Variants in TACC2 observed in about 807,000 individuals in gnomAD.
TACC2 encodes transforming acidic coiled-coil-containing protein 2.
Under a neutral mutation model 227.3 loss-of-function variants are expected in TACC2, and 137 were observed. The observed-to-expected ratio is 0.60, with a 90% CI of 0.52 to 0.69. TACC2 has a LOEUF of 0.69. TACC2 is among the 30% of genes least tolerant of loss of function. The pLI, the probability that TACC2 is intolerant of heterozygous loss-of-function variation, is 0.00. For synonymous variants in TACC2, 1,523 were observed against 1,487.5 expected (o/e 1.02, Z -0.55); for missense variants, 3,470 against 3,694.4 (o/e 0.94, Z 1.57).
rs1469634625 is a variant in TACC2 at position 122,150,137 on chromosome 10, G to C, written c.5834+6431G>C. Among the ~76,000 whole-genome samples the C allele has an allele frequency of 6.6e-6, 1 of 152,220 alleles. No homozygotes were observed. Among genetic ancestry groups the C allele is most frequent in the Non-Finnish European group, 1.5e-5 (1 of 68,040 alleles). ...TCCTTCTGGGAGGGGAGGGGAAGGAGAGCCGGCAGCAGCGGGGCTCCCTGG... is the reference window on the plus strand; with the variant it reads ...TCCTTCTGGGAGGGGAGGGGAAGGACAGCCGGCAGCAGCGGGGCTCCCTGG... On this transcript the variant is annotated intron_variant, in intron 7 of 22. Transcript: ENST00000369005. This position sits in a 1 kb window ranked among gnomAD's most constrained non-coding sequence, Gnocchi z 4.0.
At chr10:122,169,831 G>A (rs2093379001) in intron 7 of TACC2, among the ~76,000 whole-genome samples, 1 of 152,108 alleles carries the variant, frequency 6.6e-6, no homozygotes, top group Non-Finnish European at 1.5e-5. Flanking sequence ...GCTCACTGCA[G>A]CCTTCATCTC....
chr10:122,172,531 G>A (rs991811160), intron 7 of TACC2, among the ~76,000 whole-genome samples: 1 of 152,220 alleles, frequency 6.6e-6, no homozygotes, highest in Non-Finnish European at 1.5e-5. Flanking sequence ...TGCGTTAAAG[G>A]GAGGCGCCTA....
At chr10:122,195,602 T>C (rs1413359581) in intron 8 of TACC2, among the ~76,000 whole-genome samples, 1 of 152,182 alleles carries the variant, frequency 6.6e-6, no homozygotes, top group Admixed American at 6.5e-5. Flanking sequence ...CAGCAGATCA[T>C]GGTGGTTTGT....
intron 8 of TACC2, among the ~76,000 whole-genome samples, chr10:122,195,819 A>G (rs2094549083): frequency 6.6e-6 from 1 of 152,198 alleles, no homozygotes; most frequent in Non-Finnish European, 1.5e-5. Context: ...CTCACATGGA[A>G]GATTCACAGG....
At chr10:122,138,908 T>TG (rs1479372471) in intron 6 of TACC2, among the ~76,000 whole-genome samples, 1 of 152,244 alleles carries the variant, frequency 6.6e-6, no homozygotes, top group Non-Finnish European at 1.5e-5. Context: ...TAAATAATCT[T>TG]GGATATCCAA....
intron 18 of TACC2, among the ~76,000 whole-genome samples, chr10:122,241,090 G>C (rs1338111426): frequency 6.6e-6 from 1 of 152,174 alleles, no homozygotes; most frequent in South Asian, 2.1e-4. Context: ...GAAACAGACT[G>C]TGAGGGGTAG....
In TACC2 at chr10:122,210,159, G is replaced by A. The variant is rs1297744776; in HGVS notation, c.5972-238G>A. Reference sequence around the variant, plus strand: ...GAATACTCTGAGCTGTTCTTTAATCGGTCCTCATGATCCTCATTGTACAGA... The same window carrying A: ...GAATACTCTGAGCTGTTCTTTAATCAGTCCTCATGATCCTCATTGTACAGA... On this transcript the variant is annotated intron_variant, in intron 8 of 22. Coordinates refer to ENST00000369005, the MANE Select transcript of TACC2 (RefSeq NM_206862.4). This position sits in a 1 kb window ranked among gnomAD's most constrained non-coding sequence, Gnocchi z 4.6. 1 of 573,850 alleles carries A rather than the reference G, an allele frequency of 1.7e-6. No homozygotes were observed. Among genetic ancestry groups the A allele is most frequent in the Non-Finnish European group, 3.2e-6 (1 of 315,174 alleles). 35.5% of individuals were successfully genotyped at this position (573,850 alleles called of 1,614,324 possible). A position where few individuals can be genotyped will look rare whatever the true frequency, so the allele number is the denominator to read the frequency against.
intron 1 of TACC2, among the ~76,000 whole-genome samples, chr10:121,994,243 G>A (rs372349328): frequency 2.6e-5 from 4 of 152,204 alleles, no homozygotes; most frequent in Non-Finnish European, 5.9e-5. Flanking sequence ...GTGATGACCT[G>A]TCCCTATTTA....
chr10:122,151,561 T>C (rs2092041615), intron 7 of TACC2, among the ~76,000 whole-genome samples: 1 of 152,052 alleles, frequency 6.6e-6, no homozygotes, highest in African/African-American at 2.4e-5. Flanking sequence ...GCAGCCAGAC[T>C]GGGGAGTTTG....
At chr10:122,093,968 C>T (rs532947888) in intron 5 of TACC2, among the ~76,000 whole-genome samples, 2 of 152,182 alleles carry the variant, frequency 1.3e-5, no homozygotes, top group Non-Finnish European at 2.9e-5. Flanking sequence ...CGTCTGTCTC[C>T]AGCCCTTCCA....
intron 6 of TACC2, among the ~76,000 whole-genome samples, chr10:122,133,170 G>C (rs1441010714): frequency 1.3e-5 from 2 of 152,098 alleles, no homozygotes; most frequent in Non-Finnish European, 2.9e-5. Context: ...TTTGATGGTG[G>C]TCAGAGAAGA....
intron 3 of TACC2, among the ~76,000 whole-genome samples, chr10:122,075,897 T>G (rs191628481): frequency 1.3e-5 from 2 of 152,304 alleles, no homozygotes; most frequent in Non-Finnish European, 2.9e-5. Context: ...CCTCCTGGAT[T>G]CAAGCAATCC....
intron 9 of TACC2, among the ~76,000 whole-genome samples, chr10:122,214,029 G>C (rs1451546866): frequency 6.6e-6 from 1 of 152,172 alleles, no homozygotes; most frequent in East Asian, 1.9e-4. Context: ...TAGAAACAGA[G>C]CTGACCATTT....
rs542744033 is a variant in TACC2, at chr10:122,133,689, C to T, written c.5699+955C>T. Among the ~76,000 whole-genome samples, 5 of 152,296 alleles carry T rather than the reference C, an allele frequency of 3.3e-5. No individual in the cohort carries two copies. In the South Asian group the frequency reaches 1.0e-3, roughly 32 times the overall value. On this transcript the variant is annotated intron_variant, in intron 6 of 22. Transcript: ENST00000369005. ...GGAACTCATGGCCCAGTGACCCTTC[C>T]TCCCAGAAGCCTTCTCCCCACGCTG...
Position 122,084,628 on chromosome 10 carries a change from A to G in TACC2, c.2128A>G (p.Met710Val), listed in dbSNP as rs373061354. The G allele has an allele frequency of 1.1e-4, 184 of 1,613,712 alleles. 1 individual carries two copies. In the South Asian group the frequency reaches 1.7e-3, roughly 15 times the overall value. ...TLQSREGLGR[M>V]ESFLTLESEK... ...TCAGAGCAGGGAAGGATTGGGAAGAATGGAGTCTTTCCTGACTTTAGAATC... is the reference window on the plus strand; with the variant it reads ...TCAGAGCAGGGAAGGATTGGGAAGAGTGGAGTCTTTCCTGACTTTAGAATC... The change falls in exon 4 of 23, where the codon ATG becomes GTG. Residue 710 changes from methionine to valine, a missense_variant. Met to Val is a conservative substitution (Grantham distance 21). This residue lies in a region of TACC2 where 1,924 missense variants were observed against 1,978.3 expected (regional missense o/e 0.97). Coordinates refer to ENST00000369005, the MANE Select transcript of TACC2 (RefSeq NM_206862.4).
At chr10:122,091,407 T>TA (rs1453002141) in intron 5 of TACC2, among the ~76,000 whole-genome samples, 2 of 152,200 alleles carry the variant, frequency 1.3e-5, no homozygotes, top group Non-Finnish European at 2.9e-5. Context: ...TCCCTAAATT[T>TA]AAAAAATGAC....
At chr10:122,159,017 C>T (rs1023864668) in intron 7 of TACC2, among the ~76,000 whole-genome samples, 24 of 152,174 alleles carry the variant, frequency 1.6e-4, no homozygotes, top group African/African-American at 5.3e-4. Flanking sequence ...GGCAAGAAAG[C>T]GCCAAGGCAT....
intron 1 of TACC2, among the ~76,000 whole-genome samples, chr10:121,992,714 G>A (rs1308023094): frequency 6.6e-6 from 1 of 152,160 alleles, no homozygotes; most frequent in Admixed American, 6.5e-5. Context: ...TAGCATTTTA[G>A]GAGGCCAAGG....
chr10:122,073,126 A>AAAAAATAT (rs1383487943), intron 3 of TACC2, among the ~76,000 whole-genome samples: 58 of 70,956 alleles, frequency 8.2e-4, no homozygotes, highest in Middle Eastern at 9.6e-3. Context: ...AAAAAAAAAA[A>AAAAAATAT]ATATATATAT....
Sources: gnomAD v4.1 joint callset for allele counts (sites outside exome capture counted in the v4.1 genomes callset) on GRCh38, gnomAD v4.1.1 for gene constraint, gnomAD v4.1.1 regional missense constraint, Gnocchi (gnomAD v3.1) non-coding constraint, MANE v1.5 for transcripts, NCBI Gene and HGNC (gene_info 2026-07-23, HGNC 2026-07-21) for gene names.